Variants in NRXN1 observed in about 807,000 individuals in gnomAD.
The protein encoded by NRXN1 is neurexin-1.
Under a neutral mutation model 150.9 loss-of-function variants are expected in NRXN1, and 39 were observed. That is an observed-to-expected ratio of 0.26 (90% CI 0.20 to 0.34). NRXN1 has a LOEUF of 0.34. Among genes scored for constraint, NRXN1 ranks in the 10% least tolerant of loss-of-function variants. The pLI is 1.00. For synonymous variants in NRXN1, 924 were observed against 757.0 expected (o/e 1.22, Z -3.62); for missense variants, 1,815 against 1,949.9 (o/e 0.93, Z 1.30).
intron 5 of NRXN1, among the ~76,000 whole-genome samples, chr2:50,877,984 A>G (rs756472967): frequency 2.6e-5 from 4 of 151,704 alleles, no homozygotes; most frequent in African/African-American, 7.3e-5. Flanking sequence ...CCACTCATCC[A>G]CCTCTAATGT....
chr2:50,468,282 T>G (rs997845711), intron 16 of NRXN1, among the ~76,000 whole-genome samples: 3 of 151,634 alleles, frequency 2.0e-5, no homozygotes, highest in Non-Finnish European at 3.0e-5. Flanking sequence ...CTGCCCATAT[T>G]GTAGAGCAGC....
At chr2:49,964,529 G>A (rs59672611) in intron 21 of NRXN1, among the ~76,000 whole-genome samples, 44,566 of 150,004 alleles carry the variant, frequency 0.3, 7,324 homozygotes, top group South Asian at 0.44. Flanking sequence ...GCGGTGAGCC[G>A]AGATCACGCC....
chr2:50,154,532 T>TA (rs892010478), intron 18 of NRXN1, among the ~76,000 whole-genome samples: 4 of 151,538 alleles, frequency 2.6e-5, no homozygotes, highest in Admixed American at 6.6e-5. Flanking sequence ...CATCTATTGT[T>TA]AAAAAAAGGA....
chr2:51,008,719 C>G lies in NRXN1; in HGVS notation c.772+18783G>C, dbSNP rs1456709525. Among the ~76,000 whole-genome samples, 5 of 151,604 alleles carry G rather than the reference C, an allele frequency of 3.3e-5. No individual in the cohort carries two copies. In the East Asian group the frequency reaches 9.8e-4, roughly 30 times the overall value. Reference sequence around the variant, plus strand: ...AATTTCCTAACATAACATTTTAGCTCTTTGTAAATATATATAAATATAAAT... The same window carrying G: ...AATTTCCTAACATAACATTTTAGCTGTTTGTAAATATATATAAATATAAAT... On this transcript the variant is annotated intron_variant, in intron 2 of 22. Transcript: ENST00000401669.
intron 17 of NRXN1, among the ~76,000 whole-genome samples, chr2:50,449,819 T>C (rs935034146): frequency 6.6e-6 from 1 of 152,168 alleles, no homozygotes; most frequent in Non-Finnish European, 1.5e-5. Flanking sequence ...ACCAATTATA[T>C]AATTCCTACT....
intron 5 of NRXN1, among the ~76,000 whole-genome samples, chr2:50,867,114 G>T (rs754159464): frequency 3.9e-5 from 6 of 151,904 alleles, no homozygotes; most frequent in Non-Finnish European, 7.4e-5. Context: ...AACTTTCTTA[G>T]GACATCTCAT....
rs1046244192 is a variant in NRXN1, at chr2:50,404,816, A to T, written c.3364+60626T>A. ...TATAAGAGTTTTGACTCCCTGCTCT[A>T]GTGGTGAGAGACCTTTCAGTCAGAG... On this transcript the variant is annotated intron_variant, in intron 17 of 22. Coordinates refer to ENST00000401669, the MANE Select transcript of NRXN1 (RefSeq NM_001330078.2). 3.3e-5 allele frequency among the ~76,000 whole-genome samples: 5 copies of T among 152,202 alleles called. No homozygotes were observed. The South Asian group carries it at 6.2e-4, about 19-fold the overall frequency.
rs190056473 is a variant in NRXN1 at position 50,734,991 on chromosome 2, T to C, written c.833-111376A>G. On this transcript the variant is annotated intron_variant, in intron 5 of 22. Transcript: ENST00000401669. Reference sequence around the variant, plus strand: ...ATATACCTGTTCAAATAAAACAAAATCAACTTAATGTGAAGCATGTGTTGA... The same window carrying C: ...ATATACCTGTTCAAATAAAACAAAACCAACTTAATGTGAAGCATGTGTTGA... 5.3e-5 allele frequency among the ~76,000 whole-genome samples: 8 copies of C among 152,294 alleles called. No individual in the cohort carries two copies. The East Asian group carries it at 5.8e-4, about 11-fold the overall frequency.
chr2:50,788,594 A>T (rs547228813), intron 5 of NRXN1, among the ~76,000 whole-genome samples: 13 of 151,834 alleles, frequency 8.6e-5, no homozygotes, highest in African/African-American at 3.1e-4. Context: ...TGTGCGTGTG[A>T]GAGAGAGAGA....
chr2:50,157,661 A>G (rs1346048674), intron 18 of NRXN1, among the ~76,000 whole-genome samples: 2 of 152,064 alleles, frequency 1.3e-5, no homozygotes, highest in Non-Finnish European at 2.9e-5. Flanking sequence ...CTAGTAAGAT[A>G]GACGAAATGT....
intron 5 of NRXN1, among the ~76,000 whole-genome samples, chr2:50,635,843 C>A (rs1488110166): frequency 6.6e-6 from 1 of 152,136 alleles, no homozygotes; most frequent in Non-Finnish European, 1.5e-5. Flanking sequence ...GGAAGGTTAA[C>A]TGGCCAGTTT....
intron 5 of NRXN1, among the ~76,000 whole-genome samples, chr2:50,654,571 T>C (rs1686132554): frequency 1.3e-5 from 2 of 151,978 alleles, no homozygotes; most frequent in African/African-American, 4.8e-5. Flanking sequence ...GGTCAAATGG[T>C]ATTTCTAGTT....
At chr2:50,943,031 C>G (rs1558463618) in intron 2 of NRXN1, among the ~76,000 whole-genome samples, 2 of 152,202 alleles carry the variant, frequency 1.3e-5, no homozygotes, top group South Asian at 2.1e-4. Flanking sequence ...CCCCCTTGCT[C>G]TTCTGGTGAT....
At chr2:50,034,237 C>T (rs1331087896) in intron 21 of NRXN1, among the ~76,000 whole-genome samples, 1 of 152,070 alleles carries the variant, frequency 6.6e-6, no homozygotes, top group Non-Finnish European at 1.5e-5. Flanking sequence ...GACATGGAAT[C>T]AACCTAAGTG....
intron 18 of NRXN1, among the ~76,000 whole-genome samples, chr2:50,099,889 G>A (rs551754606): frequency 6.6e-6 from 1 of 152,204 alleles, no homozygotes; most frequent in South Asian, 2.1e-4. Context: ...TTCTCCCGTT[G>A]ATTATGCTGA....
intron 18 of NRXN1, among the ~76,000 whole-genome samples, chr2:50,219,954 ATATATATAT>A (rs1336656026): frequency 3.6e-5 from 3 of 82,214 alleles, no homozygotes; most frequent in Non-Finnish European, 6.4e-5. Context: ...TATATATATA[ATATATATAT>A]TATATATATA....
intron 5 of NRXN1, among the ~76,000 whole-genome samples, chr2:50,668,602 T>C (rs2104705698): frequency 6.6e-6 from 1 of 152,162 alleles, no homozygotes; most frequent in African/African-American, 2.4e-5. Context: ...ATATTTCTTC[T>C]CTTGGAGTAG....
At chr2:50,112,645 T>A (rs1702530693) in intron 18 of NRXN1, among the ~76,000 whole-genome samples, 1 of 152,210 alleles carries the variant, frequency 6.6e-6, no homozygotes, top group Non-Finnish European at 1.5e-5. Context: ...GTTTCATGGC[T>A]TTGGTATGCA....
chr2:50,252,246 C>CTTTTTTTTT (rs1559175117), intron 17 of NRXN1, among the ~76,000 whole-genome samples: 2 of 54,104 alleles, frequency 3.7e-5, no homozygotes, highest in Non-Finnish European at 7.0e-5. Context: ...TTTTTTTTTT[C>CTTTTTTTTT]TTTTTTCTTT....
Sources: allele counts gnomAD v4.1 joint callset (sites outside exome capture counted in the v4.1 genomes callset), GRCh38; gene constraint gnomAD v4.1.1; transcripts MANE v1.5; gene names NCBI Gene and HGNC (gene_info 2026-07-23, HGNC 2026-07-21).